The following SLC43A2 variants were observed in gnomAD, a reference collection of about 807,000 sequenced individuals.
SLC43A2 encodes the protein solute carrier family 43 member 2.
Under a neutral mutation model 63.2 loss-of-function variants are expected in SLC43A2, and 38 were observed. That is an observed-to-expected ratio of 0.60 (90% CI 0.46 to 0.79). The LOEUF (loss-of-function observed/expected upper bound fraction) is 0.79, where lower values mean the gene tolerates loss of function less well. Among genes scored for constraint, SLC43A2 ranks in the 30% least tolerant of loss-of-function variants. The pLI, the probability that SLC43A2 is intolerant of heterozygous loss-of-function variation, is 0.00. For missense variants in SLC43A2, 644 were observed against 756.2 expected (o/e 0.85, Z 1.74); for synonymous variants, 322 against 331.0 (o/e 0.97, Z 0.30).
At chr17:1,585,581 G>T in intron 10 of SLC43A2, 1 of 956,090 alleles carries the variant, frequency 1.0e-6, no homozygotes, top group Non-Finnish European at 1.4e-6. Context: ...GGGAGTGGGG[G>T]CTGGCCATGT....
In SLC43A2 at chr17:1,577,862, C is replaced by CT. The variant is rs975471078; in HGVS notation, c.1424+387dup. ...ATGTTGCTGCCCGTGATGAGGGCAACTGGAACTTCCGCATTTAGCTTCAGG... is the reference window on the plus strand; with the variant it reads ...ATGTTGCTGCCCGTGATGAGGGCAACTTGGAACTTCCGCATTTAGCTTCAGG... On this transcript the variant is annotated intron_variant, in intron 12 of 13. Transcript: ENST00000301335. This position sits in a 1 kb window ranked among gnomAD's most constrained non-coding sequence, Gnocchi z 4.9. Among the ~76,000 whole-genome samples the CT allele has an allele frequency of 5.9e-5, 9 of 152,190 alleles. No homozygotes were observed. Among genetic ancestry groups the CT allele is most frequent in the African/African-American group, 2.2e-4 (9 of 41,454 alleles).
intron 2 of SLC43A2, 117 bp downstream of exon 2, chr17:1,627,598 T>C: frequency 2.9e-6 from 3 of 1,049,542 alleles, no homozygotes; most frequent in East Asian, 3.0e-5. Flanking sequence ...GGCCTTCTGA[T>C]ACCCTAGAGG....
Position 1,572,885 on chromosome 17 carries a change from C to G in SLC43A2, c.*2719G>C, listed in dbSNP as rs1348083199. 6.6e-6 allele frequency: 1 copy of G among 152,244 alleles called. No individual in the cohort carries two copies. Among genetic ancestry groups the G allele is most frequent in the Non-Finnish European group, 1.5e-5 (1 of 68,098 alleles). 9.4% of individuals were successfully genotyped at this position (152,244 alleles called of 1,614,324 possible). A position where few individuals can be genotyped will look rare whatever the true frequency, so the allele number is the denominator to read the frequency against. ...CACGTCTTCCCCATCTCAAGACTGGCTTTTTGGCTAGGCATTGTGACTCAC... is the reference window on the plus strand; with the variant it reads ...CACGTCTTCCCCATCTCAAGACTGGGTTTTTGGCTAGGCATTGTGACTCAC... On this transcript the variant is annotated 3_prime_UTR_variant, in exon 14 of 14. Coordinates refer to ENST00000301335, the MANE Select transcript of SLC43A2 (RefSeq NM_152346.3).
intron 5 of SLC43A2, among the ~76,000 whole-genome samples, chr17:1,600,153 T>TATATATATATATATATATATA (rs1491178977): frequency 1.3e-4 from 5 of 38,252 alleles, no homozygotes; most frequent in East Asian, 1.3e-3. Flanking sequence ...TATATATATA[T>TATATATATATATATATATATA]TTTTTTTTTT....
intron 2 of SLC43A2, among the ~76,000 whole-genome samples, chr17:1,618,697 C>G (rs1907897687): frequency 6.6e-6 from 1 of 152,252 alleles, no homozygotes; most frequent in Non-Finnish European, 1.5e-5. Context: ...TAAATAAAAA[C>G]AACAGGGCCA....
intron 9 of SLC43A2, among the ~76,000 whole-genome samples, chr17:1,589,355 A>T (rs1403513515): frequency 6.6e-6 from 1 of 152,126 alleles, no homozygotes; most frequent in Non-Finnish European, 1.5e-5. Flanking sequence ...CTGTAATCCC[A>T]GCACTTTGGG....
At chr17:1,615,978 G>A (rs1907620622) in intron 3 of SLC43A2, among the ~76,000 whole-genome samples, 1 of 150,828 alleles carries the variant, frequency 6.6e-6, no homozygotes. Context: ...GGGAGGCAGA[G>A]GTTGCCGTGA....
At chr17:1,615,655 A>G (rs896295210) in intron 3 of SLC43A2, among the ~76,000 whole-genome samples, 118 of 150,034 alleles carry the variant, frequency 7.9e-4, no homozygotes, top group East Asian at 1.2e-3. Flanking sequence ...CATCCTGGCT[A>G]ACACAGTGAA....
chr17:1,619,166 A>G (rs1287560450), intron 2 of SLC43A2, among the ~76,000 whole-genome samples: 1 of 151,900 alleles, frequency 6.6e-6, no homozygotes, highest in Non-Finnish European at 1.5e-5. Flanking sequence ...TTAGCCGGGC[A>G]TGGTGGGCGT....
rs2075896409 is a variant in SLC43A2 at position 1,574,847 on chromosome 17, G to C, written c.*757C>G. 1.3e-5 allele frequency: 2 copies of C among 151,988 alleles called. No homozygotes were observed. Among genetic ancestry groups the C allele is most frequent in the African/African-American group, 4.8e-5 (2 of 41,306 alleles). 9.4% of individuals were successfully genotyped at this position (151,988 alleles called of 1,614,324 possible). On this transcript the variant is annotated 3_prime_UTR_variant, in exon 14 of 14. Coordinates refer to ENST00000301335, the MANE Select transcript of SLC43A2 (RefSeq NM_152346.3). ...CAGCCTTTCGTCCACCTCCACAAAA[G>C]CAGCTGTGTGTATGTACGGGGTGCC...
At chr17:1,598,120 A>C (rs1396255253) in intron 5 of SLC43A2, among the ~76,000 whole-genome samples, 1 of 150,642 alleles carries the variant, frequency 6.6e-6, no homozygotes, top group African/African-American at 2.5e-5. Flanking sequence ...CAGCCGGCGC[A>C]AAGAAAGAAA....
intron 5 of SLC43A2, among the ~76,000 whole-genome samples, chr17:1,609,361 C>A (rs1906892105): frequency 6.6e-6 from 1 of 152,154 alleles, no homozygotes; most frequent in African/African-American, 2.4e-5. Flanking sequence ...TCCACCAAGC[C>A]CAGCTAATTT....
intron 2 of SLC43A2, among the ~76,000 whole-genome samples, chr17:1,627,204 G>A (rs561934767): frequency 6.6e-6 from 1 of 152,300 alleles, no homozygotes; most frequent in East Asian, 1.9e-4. Flanking sequence ...ACAAGAAATT[G>A]TGTCCAGCAA....
chr17:1,604,792 G>T, intron 5 of SLC43A2: 1 of 1,535,756 alleles, frequency 6.5e-7, no homozygotes, highest in Non-Finnish European at 8.7e-7. Context: ...CACAGCATCG[G>T]ATGGGCTTGC....
intron 11 of SLC43A2, among the ~76,000 whole-genome samples, chr17:1,581,200 G>A (rs867324135): frequency 0.024 from 299 of 12,532 alleles, 2 homozygotes; most frequent in Middle Eastern, 0.22. Flanking sequence ...TGTGCCCAGT[G>A]CCCACACACA....
intron 5 of SLC43A2, among the ~76,000 whole-genome samples, chr17:1,598,620 C>G (rs1295558573): frequency 2.0e-5 from 3 of 152,164 alleles, no homozygotes; most frequent in Admixed American, 2.0e-4. Flanking sequence ...AGCTTGCTAG[C>G]TAGGCATTTT....
At chr17:1,582,292 C>T (rs2076031707) in intron 11 of SLC43A2, among the ~76,000 whole-genome samples, 1 of 152,292 alleles carries the variant, frequency 6.6e-6, no homozygotes, top group South Asian at 2.1e-4. Context: ...GTCGCCCAGG[C>T]TGGTCTCAAA....
At chr17:1,594,187 G>A (rs1482131272) in intron 5 of SLC43A2, among the ~76,000 whole-genome samples, 1 of 152,198 alleles carries the variant, frequency 6.6e-6, no homozygotes, top group Non-Finnish European at 1.5e-5. Context: ...TTCGGCCCGA[G>A]CAGTTAGCAT....
chr17:1,610,943 C>T lies in SLC43A2; in HGVS notation c.501+2252G>A, dbSNP rs546251936. Among the ~76,000 whole-genome samples, 332 of 151,432 alleles carry T rather than the reference C, an allele frequency of 2.2e-3. 3 individuals are homozygous for T. The highest frequency in any genetic ancestry group is 7.7e-3 in the African/African-American group (316 of 41,278). ...GCAAACTCCGCCTCCCGGCCTCAAGCGATTCTCCTGCCTCAGCCTCCCAAG... is the reference window on the plus strand; with the variant it reads ...GCAAACTCCGCCTCCCGGCCTCAAGTGATTCTCCTGCCTCAGCCTCCCAAG... On this transcript the variant is annotated intron_variant, in intron 5 of 13. Transcript: ENST00000301335.
Sources: gnomAD v4.1 joint callset for allele counts (sites outside exome capture counted in the v4.1 genomes callset) on GRCh38, gnomAD v4.1.1 for gene constraint, Gnocchi (gnomAD v3.1) non-coding constraint, MANE v1.5 for transcripts, NCBI Gene and HGNC (gene_info 2026-07-23, HGNC 2026-07-21) for gene names.